The following UBE3C variants were observed in gnomAD, a reference collection of about 807,000 sequenced individuals.
UBE3C encodes the protein ubiquitin-protein ligase E3C.
In UBE3C, 42 loss-of-function variants were observed where a neutral mutation model predicts 129.4. That is an observed-to-expected ratio of 0.32 (90% CI 0.25 to 0.42). The LOEUF (loss-of-function observed/expected upper bound fraction) is 0.42. Ranked by LOEUF, UBE3C falls within the 10% of genes least tolerant of loss-of-function variation. The pLI is 1.00. For missense variants in UBE3C, 1,049 were observed against 1,319.1 expected (o/e 0.80, Z 3.17); for synonymous variants, 510 against 492.4 (o/e 1.04, Z -0.47).
chr7:157,202,528 G>A (rs938201864), intron 11 of UBE3C, among the ~76,000 whole-genome samples: 3 of 152,086 alleles, frequency 2.0e-5, no homozygotes, highest in East Asian at 1.9e-4. Context: ...ATGGTGGTGC[G>A]TGCCTGTAAT....
intron 15 of UBE3C, chr7:157,222,944 A>G (rs17719836): frequency 0.073 from 19,205 of 261,736 alleles, 893 homozygotes; most frequent in Non-Finnish European, 0.098. Context: ...ATCTGGCTGC[A>G]TTCGGGCCTC....
intron 17 of UBE3C, among the ~76,000 whole-genome samples, chr7:157,226,116 C>T (rs1795871503): frequency 1.3e-5 from 2 of 152,070 alleles, no homozygotes; most frequent in Non-Finnish European, 2.9e-5. Flanking sequence ...ATTTAGTTTG[C>T]AAGCTGTTGT....
chr7:157,213,471 C>T (rs1001374133), intron 13 of UBE3C, among the ~76,000 whole-genome samples: 1 of 152,250 alleles, frequency 6.6e-6, no homozygotes, highest in African/African-American at 2.4e-5. Context: ...AGCCACAGGC[C>T]TAACCCTGCA....
chr7:157,198,416 T>G (rs1209938103), intron 10 of UBE3C: 1 of 643,030 alleles, frequency 1.6e-6, no homozygotes, highest in Non-Finnish European at 2.8e-6. Context: ...TGCAGGTTCT[T>G]CACATTAAGT....
chr7:157,206,013 C>G (rs748982331), intron 11 of UBE3C, among the ~76,000 whole-genome samples: 3 of 152,194 alleles, frequency 2.0e-5, no homozygotes, highest in African/African-American at 7.2e-5. Flanking sequence ...GGTTACATCT[C>G]ATCTAATATA....
chr7:157,229,065 G>T (rs892736430), intron 17 of UBE3C, among the ~76,000 whole-genome samples: 3 of 152,140 alleles, frequency 2.0e-5, no homozygotes, highest in African/African-American at 7.2e-5. Flanking sequence ...GGGCAGCAGC[G>T]CATGGGGCCT....
chr7:157,192,243 A>G (rs1586677087), intron 10 of UBE3C: 1 of 328,084 alleles, frequency 3.0e-6, no homozygotes, highest in East Asian at 6.9e-5. Context: ...TGGAAGAAGC[A>G]TATTCCACCA....
At position 157,144,786 on chromosome 7, in the gene UBE3C, T is replaced by G. The variant is rs150566414; in HGVS notation, c.66+5448T>G. On this transcript the variant is annotated intron_variant, in intron 1 of 22. Transcript: ENST00000348165. ...TGCCTAGTCTCCCTCACCTCACTTTTCTCTATTACTAGCATCTGGCATTAA... is the reference window on the plus strand; with the variant it reads ...TGCCTAGTCTCCCTCACCTCACTTTGCTCTATTACTAGCATCTGGCATTAA... Among the ~76,000 whole-genome samples the G allele has an allele frequency of 2.6e-4, 40 of 152,298 alleles. 1 individual carries two copies. The South Asian group carries it at 5.6e-3, about 21-fold the overall frequency.
At chr7:157,180,450 G>T (rs1044135486) in intron 6 of UBE3C, among the ~76,000 whole-genome samples, 14 of 152,184 alleles carry the variant, frequency 9.2e-5, no homozygotes, top group Non-Finnish European at 1.9e-4. Context: ...TAGACTTGGG[G>T]TAGTTACAAA....
chr7:157,168,982 C>G (rs1808293688), intron 2 of UBE3C, 66 bp from the exon 3 acceptor site: 1 of 1,331,960 alleles, frequency 7.5e-7, no homozygotes, highest in Non-Finnish European at 1.1e-6. Flanking sequence ...AAAGTCTTTA[C>G]TAGCAAAATG....
rs770382381 is a variant in UBE3C, at chr7:157,269,309, CTTAT to C, written c.*1565_*1568del. On this transcript the variant is annotated 3_prime_UTR_variant, in exon 23 of 23. Transcript: ENST00000348165. Reference sequence around the variant, plus strand: ...TGGTTTTTTTCTCAGCTATTCTGAGCTTATTTATTTATTTGTATGTTCTAATGGC... The same window carrying C: ...TGGTTTTTTTCTCAGCTATTCTGAGCTTATTTATTTGTATGTTCTAATGGC... 7.2e-5 allele frequency: 11 copies of C among 152,298 alleles called. No individual in the cohort carries two copies. Among genetic ancestry groups the C allele is most frequent in the Admixed American group, 1.3e-4 (2 of 15,290 alleles). The allele number at this position is 152,298 out of a possible 1,614,324, so 9.4% of individuals were successfully genotyped here.
At chr7:157,239,904 G>A (rs949628583) in intron 18 of UBE3C, among the ~76,000 whole-genome samples, 1 of 152,208 alleles carries the variant, frequency 6.6e-6, no homozygotes, top group Non-Finnish European at 1.5e-5. Context: ...GCATCCCACT[G>A]TTGCTGCTTT....
At chr7:157,172,438 A>G (rs1808403437) in intron 4 of UBE3C, among the ~76,000 whole-genome samples, 1 of 152,238 alleles carries the variant, frequency 6.6e-6, no homozygotes, top group Non-Finnish European at 1.5e-5. Flanking sequence ...CTTCCTCGCT[A>G]CAAACCATCC....
At chr7:157,256,167 G>A (rs970901021) in intron 21 of UBE3C, among the ~76,000 whole-genome samples, 2 of 151,980 alleles carry the variant, frequency 1.3e-5, no homozygotes, top group South Asian at 2.1e-4. Flanking sequence ...TTTTGAGGGC[G>A]AATCTCACCC....
At chr7:157,151,661 T>C (rs1294813193) in intron 1 of UBE3C, among the ~76,000 whole-genome samples, 1 of 152,180 alleles carries the variant, frequency 6.6e-6, no homozygotes, top group Non-Finnish European at 1.5e-5. Context: ...AGTAGAACCA[T>C]AAGGAGTAAT....
intron 10 of UBE3C, among the ~76,000 whole-genome samples, chr7:157,196,449 G>T (rs62493392): frequency 0.1 from 15,487 of 152,206 alleles, 902 homozygotes; most frequent in African/African-American, 0.14. Flanking sequence ...TAGTTCTTTA[G>T]ATCTAGTCTG....
At chr7:157,173,950 G>A (rs529599518) in intron 4 of UBE3C, among the ~76,000 whole-genome samples, 1 of 152,298 alleles carries the variant, frequency 6.6e-6, no homozygotes, top group African/African-American at 2.4e-5. Context: ...GTGCTTTTGT[G>A]TTGGTAATTT....
At chr7:157,244,257 GTA>G (rs1446358289) in intron 18 of UBE3C, among the ~76,000 whole-genome samples, 1 of 152,004 alleles carries the variant, frequency 6.6e-6, no homozygotes, top group African/African-American at 2.4e-5. Context: ...GAAAGATGAG[GTA>G]TATCTCCTGC....
intron 19 of UBE3C, among the ~76,000 whole-genome samples, chr7:157,249,133 AT>A (rs1344547117): frequency 6.6e-6 from 1 of 152,068 alleles, no homozygotes; most frequent in Non-Finnish European, 1.5e-5. Context: ...TTAGTACATG[AT>A]TGAGTGGTTT....
Sources: gnomAD v4.1 joint callset for allele counts (sites outside exome capture counted in the v4.1 genomes callset) on GRCh38, gnomAD v4.1.1 for gene constraint, MANE v1.5 for transcripts, NCBI Gene and HGNC (gene_info 2026-07-23, HGNC 2026-07-21) for gene names.